The following DNAJC1 variants were observed in gnomAD, a reference collection of about 807,000 sequenced individuals.
DNAJC1 encodes dnaJ homolog subfamily C member 1.
Under a neutral mutation model 76.6 loss-of-function variants are expected in DNAJC1, and 58 were observed. The ratio of observed to expected loss-of-function variants is 0.76; its 90% CI spans 0.61 to 0.94. The LOEUF (loss-of-function observed/expected upper bound fraction) is 0.94, where lower values mean the gene tolerates loss of function less well. DNAJC1 is among the 40% of genes least tolerant of loss of function. DNAJC1 has a pLI of 0.00. For missense variants in DNAJC1, 689 were observed against 677.3 expected (o/e 1.02, Z -0.19); for synonymous variants, 258 against 267.9 (o/e 0.96, Z 0.36).
At chr10:21,969,620 T>C (rs535473184) in intron 1 of DNAJC1, among the ~76,000 whole-genome samples, 4 of 152,342 alleles carry the variant, frequency 2.6e-5, no homozygotes, top group South Asian at 2.1e-4. Context: ...ATATAATCTA[T>C]GTCTTAGTAA....
chr10:21,858,592 C>G (rs1835875697), intron 8 of DNAJC1, among the ~76,000 whole-genome samples: 1 of 152,122 alleles, frequency 6.6e-6, no homozygotes, highest in South Asian at 2.1e-4. Flanking sequence ...CAATACTAAC[C>G]AGGTCCAGCT....
chr10:21,788,319 A>G (rs963378188), intron 9 of DNAJC1, among the ~76,000 whole-genome samples: 5 of 152,170 alleles, frequency 3.3e-5, no homozygotes, highest in Non-Finnish European at 7.4e-5. Context: ...ACACCCCTTT[A>G]GGCCAGAGCT....
intron 9 of DNAJC1, among the ~76,000 whole-genome samples, chr10:21,805,190 A>G (rs1326922964): frequency 6.6e-6 from 1 of 152,136 alleles, no homozygotes; most frequent in East Asian, 1.9e-4. Flanking sequence ...TTGGATCTAT[A>G]GGATTTATTT....
chr10:21,928,927 AACT>A (rs1409543633), intron 2 of DNAJC1, 110 bp downstream of exon 2: 37 of 679,796 alleles, frequency 5.4e-5, no homozygotes, highest in Non-Finnish European at 7.5e-5. Flanking sequence ...CTATATTTTA[AACT>A]ACTACCTCAT....
chr10:21,761,568 T>A (rs979519738), intron 10 of DNAJC1, among the ~76,000 whole-genome samples: 5 of 130,084 alleles, frequency 3.8e-5, no homozygotes, highest in South Asian at 5.1e-4. Flanking sequence ...AAAAAAAAAA[T>A]CTAGATATAA....
chr10:21,946,049 C>CTTTTT (rs71510915), intron 1 of DNAJC1, among the ~76,000 whole-genome samples: 42 of 93,294 alleles, frequency 4.5e-4, no homozygotes, highest in Non-Finnish European at 5.3e-4. Flanking sequence ...TTCTTTTCCT[C>CTTTTT]TTTTTTTTTT....
Position 21,756,714 on chromosome 10 carries a change from G to A in DNAJC1, c.1638C>T (p.Val546=), listed in dbSNP as rs1834180021. ...IARYKLLVEL[V]QKKKQAKS Reference sequence around the variant, plus strand: ...AGCTTTTAGCTTGTTTTTTCTTTTGGACCAGTTCAACCAGCAACTTGTACC... The same window carrying A: ...AGCTTTTAGCTTGTTTTTTCTTTTGAACCAGTTCAACCAGCAACTTGTACC... The change falls in exon 12 of 12, where the codon GTC becomes GTT. Residue 546 remains valine, a synonymous_variant. Coordinates refer to ENST00000376980, the MANE Select transcript of DNAJC1 (RefSeq NM_022365.4). 6.2e-7 allele frequency: 1 copy of A among 1,613,378 alleles called. No individual in the cohort carries two copies. Among genetic ancestry groups the A allele is most frequent in the African/African-American group, 1.3e-5 (1 of 74,966 alleles).
intron 8 of DNAJC1, among the ~76,000 whole-genome samples, chr10:21,838,609 G>A (rs548773036): frequency 3.3e-5 from 5 of 151,700 alleles, no homozygotes; most frequent in Non-Finnish European, 7.4e-5. Context: ...AAACACCCAA[G>A]AATGATCAAT....
rs34817098 is a variant in DNAJC1 at position 21,962,459 on chromosome 10, C to CTTTTTTTTTTTTTTTTTTTTTTTTTT, written c.223-33319_223-33318insAAAAAAAAAAAAAAAAAAAAAAAAAA. On this transcript the variant is annotated intron_variant, in intron 1 of 11. Transcript: ENST00000376980. ...GCAATTAAAACTTGCTATTTTATTG[C>CTTTTTTTTTTTTTTTTTTTTTTTTTT]TTTTTTTTTTTTTTTTTTTTTTTGA... Among the ~76,000 whole-genome samples the CTTTTTTTTTTTTTTTTTTTTTTTTTT allele has an allele frequency of 5.0e-5, 2 of 39,890 alleles. 1 individual carries two copies. The highest frequency in any genetic ancestry group is 8.0e-5 in the Non-Finnish European group (2 of 24,864). The allele number at this position is 39,890 out of a possible 152,430, so 26.2% of individuals were successfully genotyped here. A position where few individuals can be genotyped will look rare whatever the true frequency, so the allele number is the denominator to read the frequency against.
At chr10:21,790,815 A>G (rs1834676059) in intron 9 of DNAJC1, among the ~76,000 whole-genome samples, 1 of 152,170 alleles carries the variant, frequency 6.6e-6, no homozygotes, top group Non-Finnish European at 1.5e-5. Context: ...GGAAAAAAAG[A>G]TACCTAAAAC....
intron 1 of DNAJC1, among the ~76,000 whole-genome samples, chr10:21,986,108 T>C (rs1226973309): frequency 1.3e-5 from 2 of 152,066 alleles, no homozygotes; most frequent in African/African-American, 2.4e-5. Flanking sequence ...GTGCCTGTAG[T>C]CCCAGCTACT....
chr10:21,794,266 C>CAAAAA (rs542182948), intron 9 of DNAJC1, among the ~76,000 whole-genome samples: 38 of 53,570 alleles, frequency 7.1e-4, no homozygotes, highest in African/African-American at 1.5e-3. Context: ...TTCCTATCTT[C>CAAAAA]AAAAAAAAAA....
At chr10:21,979,616 T>C (rs1261499978) in intron 1 of DNAJC1, among the ~76,000 whole-genome samples, 1 of 152,062 alleles carries the variant, frequency 6.6e-6, no homozygotes, top group Non-Finnish European at 1.5e-5. Flanking sequence ...GGAATACATG[T>C]ACTTGGATCT....
In DNAJC1 at chr10:21,918,835, A is replaced by G. The variant is rs771735296; in HGVS notation, c.673T>C (p.Cys225Arg). ...AGGCAAAACCAAATCCCCAGTTTGCATGGAAGCAAATCATGCCACTGTGGT... is the reference window on the plus strand; with the variant it reads ...AGGCAAAACCAAATCCCCAGTTTGCGTGGAAGCAAATCATGCCACTGTGGT... ...MKPQWHDLLP[C>R]KLGIWFCLTL... Residue 225 changes from cysteine (C) to arginine (R), a missense_variant, in exon 6 of 12, where the codon TGC becomes CGC. Transcript: ENST00000376980. The G allele has an allele frequency of 1.3e-5, 21 of 1,613,246 alleles. No homozygotes were observed. Among genetic ancestry groups the G allele is most frequent in the South Asian group, 5.5e-5 (5 of 91,058 alleles).
At chr10:21,908,703 T>C (rs1836800870) in intron 6 of DNAJC1, among the ~76,000 whole-genome samples, 1 of 152,044 alleles carries the variant, frequency 6.6e-6, no homozygotes, top group Non-Finnish European at 1.5e-5. Context: ...AATAATTAAA[T>C]GCTTACTTCA....
At chr10:21,864,051 A>G (rs1590021147) in intron 8 of DNAJC1, among the ~76,000 whole-genome samples, 2 of 152,008 alleles carry the variant, frequency 1.3e-5, no homozygotes, top group African/African-American at 2.4e-5. Context: ...TAAAATATGT[A>G]CAAAAATTAG....
At chr10:21,984,746 A>C (rs934857345) in intron 1 of DNAJC1, among the ~76,000 whole-genome samples, 1 of 152,210 alleles carries the variant, frequency 6.6e-6, no homozygotes, top group Non-Finnish European at 1.5e-5. Flanking sequence ...AAAAGACATA[A>C]ACATATTAAC....
intron 7 of DNAJC1, among the ~76,000 whole-genome samples, chr10:21,882,674 C>T (rs1836301060): frequency 1.3e-5 from 2 of 152,150 alleles, no homozygotes; most frequent in Non-Finnish European, 2.9e-5. Flanking sequence ...AATTTGCATA[C>T]ACCTTTGTTT....
chr10:21,972,460 T>C (rs1401335419), intron 1 of DNAJC1, among the ~76,000 whole-genome samples: 1 of 152,026 alleles, frequency 6.6e-6, no homozygotes, highest in East Asian at 1.9e-4. Context: ...TGCAACAATA[T>C]AACTTTCTTC....
Sources: allele counts gnomAD v4.1 joint callset (sites outside exome capture counted in the v4.1 genomes callset), GRCh38; gene constraint gnomAD v4.1.1; transcripts MANE v1.5; gene names NCBI Gene and HGNC (gene_info 2026-07-23, HGNC 2026-07-21).